The following TMEM176B variants were observed in gnomAD, a reference collection of about 807,000 sequenced individuals.
TMEM176B encodes the protein LR8-like protein.
In TMEM176B, 28 loss-of-function variants were observed where a neutral mutation model predicts 30.3. That is an observed-to-expected ratio of 0.92 (90% CI 0.68 to 1.27). The LOEUF is 1.27. TMEM176B is among the 50% of genes most tolerant of loss of function. The pLI is 0.00. For missense variants in TMEM176B, 349 were observed against 327.4 expected (o/e 1.07, Z -0.51); for synonymous variants, 123 against 130.3 (o/e 0.94, Z 0.38).
intron 2 of TMEM176B, among the ~76,000 whole-genome samples, chr7:150,794,766 A>G (rs906272240): frequency 6.6e-6 from 1 of 151,792 alleles, no homozygotes; most frequent in Non-Finnish European, 1.5e-5. Flanking sequence ...TTTTCATTTC[A>G]TAGGTGTCAT....
chr7:150,791,575 G>C lies in TMEM176B; in HGVS notation c.769C>G (p.Pro257Ala), dbSNP rs780175426. 1.2e-6 allele frequency: 2 copies of C among 1,613,878 alleles called. No individual in the cohort carries two copies. Among genetic ancestry groups the C allele is most frequent in the African/African-American group, 1.3e-5 (1 of 74,868 alleles). ...KRLLGENSVP[P>A]SPSREQTSTA... ...GAGGTCTGCTCCCTAGAGGGCGAAG[G>C]GGGCACTGAATTCTCCCCCAGTAGC... is the stretch of plus-strand genomic sequence containing the variant. Residue 257 changes from proline to alanine, a missense_variant, in exon 7 of 7, where the codon CCT (proline) becomes GCT (alanine). Coordinates refer to ENST00000326442, the MANE Select transcript of TMEM176B (RefSeq NM_001101312.2).
At position 150,798,570 on chromosome 7, in the gene TMEM176B, C is replaced by T. The variant is rs767317134; in HGVS notation, c.-6+1728G>A. ...GATTACAGGCGTGAGCCACCGCGCC[C>T]GGCCAGTTCTCTTTTTTTAGAGAGA... is the stretch of plus-strand genomic sequence containing the variant. On this transcript the variant is annotated intron_variant, in intron 1 of 6. Coordinates refer to ENST00000326442, the MANE Select transcript of TMEM176B (RefSeq NM_001101312.2). Among the ~76,000 whole-genome samples the T allele has an allele frequency of 1.3e-4, 19 of 150,418 alleles. No homozygotes were observed. In the East Asian group the frequency reaches 3.7e-3, roughly 30 times the overall value.
At chr7:150,793,045 A>G in intron 5 of TMEM176B, 43 bp downstream of exon 5, 1 of 1,599,446 alleles carries the variant, frequency 6.3e-7, no homozygotes, top group Non-Finnish European at 8.6e-7. Flanking sequence ...CTGGGAAAAA[A>G]GAGCTGTGAT....
intron 1 of TMEM176B, among the ~76,000 whole-genome samples, chr7:150,797,695 C>T (rs1385599053): frequency 2.0e-5 from 3 of 152,004 alleles, no homozygotes; most frequent in African/African-American, 7.3e-5. Flanking sequence ...CCTTGTGGGC[C>T]TTCCATTTTC....
At position 150,791,573 on chromosome 7, in the gene TMEM176B, A is replaced by C; in HGVS notation, c.771T>G (p.Pro257=). 1.9e-6 allele frequency: 3 copies of C among 1,614,048 alleles called. No individual in the cohort carries two copies. The highest frequency in any genetic ancestry group is 2.5e-6 in the Non-Finnish European group (3 of 1,179,986). ...KRLLGENSVP[P]SPSREQTSTA... is the part of the protein sequence containing the mutation. The stretch of plus-strand genomic sequence containing the variant: ...TGGAGGTCTGCTCCCTAGAGGGCGA[A>C]GGGGGCACTGAATTCTCCCCCAGTA... The change falls in exon 7 of 7, where the codon CCT becomes CCG. Residue 257 remains proline, a synonymous_variant. Coordinates refer to ENST00000326442, the MANE Select transcript of TMEM176B (RefSeq NM_001101312.2).
upstream of TMEM176B, chr7:150,800,976 C>G (rs1798760207): frequency 1.0e-6 from 1 of 985,870 alleles, no homozygotes; most frequent in African/African-American, 1.7e-5. Flanking sequence ...CAGGTGCGGC[C>G]CCGGCTTTTG....
intron 2 of TMEM176B, among the ~76,000 whole-genome samples, chr7:150,795,160 C>T (rs910947010): frequency 1.3e-5 from 2 of 152,186 alleles, no homozygotes; most frequent in African/African-American, 4.8e-5. Context: ...ATCCTTCTCA[C>T]CTGGATGCCT....
At position 150,793,202 on chromosome 7, in the gene TMEM176B, A is replaced by G. The variant is rs1207887320; in HGVS notation, c.486T>C (p.Thr162=). ...WQTEPFLYID[T]VCDRSDPVFP... Reference sequence around the variant, plus strand: ...AGACAGGGTCTGAGCGATCACACACAGTGTCGATGTATAAAAAGGGTTCAG... The same window carrying G: ...AGACAGGGTCTGAGCGATCACACACGGTGTCGATGTATAAAAAGGGTTCAG... Residue 162 remains threonine (T), a synonymous_variant, in exon 5 of 7, where the codon ACT becomes ACC. Coordinates refer to ENST00000326442, the MANE Select transcript of TMEM176B (RefSeq NM_001101312.2). The G allele has an allele frequency of 6.8e-6, 11 of 1,614,266 alleles. No individual in the cohort carries two copies. The highest frequency in any genetic ancestry group is 9.3e-6 in the Non-Finnish European group (11 of 1,180,052).
In TMEM176B at chr7:150,792,193, AC is replaced by A. The variant is rs1258271519; in HGVS notation, c.601-19del. The A allele has an allele frequency of 6.2e-7, 1 of 1,612,066 alleles. No homozygotes were observed. Among genetic ancestry groups the A allele is most frequent in the South Asian group, 1.1e-5 (1 of 91,000 alleles). On this transcript the variant is annotated intron_variant, in intron 5 of 6. Transcript: ENST00000326442. ...AACAACTTCTGGAGATAAGGGAAGAACAAAGATAGTCAGGTGTCAGCTACTC... is the reference window on the plus strand; with the variant it reads ...AACAACTTCTGGAGATAAGGGAAGAAAAAGATAGTCAGGTGTCAGCTACTC...
intron 2 of TMEM176B, among the ~76,000 whole-genome samples, chr7:150,795,426 C>G (rs918941756): frequency 1.3e-4 from 20 of 152,200 alleles, no homozygotes; most frequent in Non-Finnish European, 2.2e-4. Context: ...CTGTCTATAC[C>G]TATTCCTTCT....
chr7:150,791,752 CA>C (rs35720994), intron 6 of TMEM176B, 129 bp from the exon 7 acceptor site: 1,162 of 740,812 alleles, frequency 1.6e-3, no homozygotes, highest in Non-Finnish European at 1.9e-3. Context: ...GCAGATCAGG[CA>C]AAAAAAAAAC....
intron 1 of TMEM176B, among the ~76,000 whole-genome samples, chr7:150,797,786 C>CT (rs1798584226): frequency 6.6e-6 from 1 of 152,126 alleles, no homozygotes; most frequent in South Asian, 2.1e-4. Context: ...TGTGTAACTG[C>CT]ATATATTTTG....
intron 1 of TMEM176B, among the ~76,000 whole-genome samples, chr7:150,796,984 C>A (rs1034221911): frequency 2.0e-5 from 3 of 151,872 alleles, no homozygotes; most frequent in Non-Finnish European, 4.4e-5. Flanking sequence ...AACAAACAAA[C>A]AAAAAACAGT....
At chr7:150,797,160 C>T (rs974863604) in intron 1 of TMEM176B, among the ~76,000 whole-genome samples, 1 of 152,162 alleles carries the variant, frequency 6.6e-6, no homozygotes, top group African/African-American at 2.4e-5. Context: ...CTTGCAGATG[C>T]AAAGTAATAT....
At chr7:150,793,913 C>T (rs1798416595) in intron 3 of TMEM176B, 48 bp downstream of exon 3, 1 of 1,470,596 alleles carries the variant, frequency 6.8e-7, no homozygotes, top group Non-Finnish European at 9.3e-7. Flanking sequence ...GCCTTCTTGC[C>T]CATCACCACT....
At chr7:150,793,644 A>T (rs1288357912) in intron 3 of TMEM176B, 44 bp from the exon 4 acceptor site, 6 of 1,600,580 alleles carry the variant, frequency 3.7e-6, no homozygotes, top group Non-Finnish European at 5.1e-6. Flanking sequence ...TACTCTTCTG[A>T]ATTGGTCTAT....
intron 1 of TMEM176B, among the ~76,000 whole-genome samples, chr7:150,798,288 T>G (rs1798604157): frequency 6.6e-6 from 1 of 152,192 alleles, no homozygotes; most frequent in South Asian, 2.1e-4. Context: ...ATGTATTTAT[T>G]TATTTATTCA....
At position 150,796,381 on chromosome 7, in the gene TMEM176B, C is replaced by T. The variant is rs147870466; in HGVS notation, c.189G>A (p.Glu63=). Residue 63 remains glutamate, a synonymous_variant, in exon 2 of 7, where the codon GAG becomes GAA. Coordinates refer to ENST00000326442, the MANE Select transcript of TMEM176B (RefSeq NM_001101312.2). ...TVPSTARIGY[E]QLALGVTQIL... The stretch of plus-strand genomic sequence containing the variant: ...CCAGTCTTACCCCTAGAGCCAGCTG[C>T]TCATAACCAATCCTGGCTGTGGAAG... 6.2e-7 allele frequency: 1 copy of T among 1,614,074 alleles called. No homozygotes were observed. Among genetic ancestry groups the T allele is most frequent in the Non-Finnish European group, 8.5e-7 (1 of 1,180,040 alleles).
At chr7:150,800,872 G>T, upstream of TMEM176B, 2 of 980,824 alleles carry the variant, frequency 2.0e-6, no homozygotes, top group South Asian at 9.4e-5. Flanking sequence ...GCCTCCTTCC[G>T]CACGCACCCC....
Sources: gnomAD v4.1 joint callset for allele counts (sites outside exome capture counted in the v4.1 genomes callset) on GRCh38, gnomAD v4.1.1 for gene constraint, MANE v1.5 for transcripts, NCBI Gene and HGNC (gene_info 2026-07-23, HGNC 2026-07-21) for gene names.